Variants in ELOVL7 observed in about 807,000 individuals in gnomAD.
ELOVL7 encodes the protein very long chain fatty acid elongase 7.
A neutral mutation model predicts 35.7 loss-of-function variants in ELOVL7; 27 were observed. The ratio of observed to expected loss-of-function variants is 0.76; its 90% CI spans 0.56 to 1.04. The LOEUF is 1.04. ELOVL7 is among the 50% of genes least tolerant of loss of function. The pLI, the probability that ELOVL7 is intolerant of heterozygous loss-of-function variation, is 0.00. For synonymous variants in ELOVL7, 113 were observed against 114.6 expected (o/e 0.99, Z 0.09); for missense variants, 327 against 340.8 (o/e 0.96, Z 0.32).
intron 2 of ELOVL7, among the ~76,000 whole-genome samples, chr5:60,798,769 A>C (rs943106642): frequency 6.6e-6 from 1 of 152,234 alleles, no homozygotes; most frequent in Non-Finnish European, 1.5e-5. Context: ...AGGGGACTTT[A>C]ATGTCCTACT....
intron 1 of ELOVL7, among the ~76,000 whole-genome samples, chr5:60,834,551 C>T (rs1337865340): frequency 6.6e-6 from 1 of 151,998 alleles, no homozygotes; most frequent in Non-Finnish European, 1.5e-5. Context: ...ACCTGTAATC[C>T]CAGCTACTTG....
At chr5:60,799,988 G>C (rs1744495770) in intron 1 of ELOVL7, among the ~76,000 whole-genome samples, 1 of 130,346 alleles carries the variant, frequency 7.7e-6, no homozygotes, top group South Asian at 2.5e-4. Context: ...AGTGAGCTGA[G>C]ATCACGCTAT....
At chr5:60,802,848 A>G (rs1253457912) in intron 1 of ELOVL7, among the ~76,000 whole-genome samples, 1 of 152,236 alleles carries the variant, frequency 6.6e-6, no homozygotes, top group Non-Finnish European at 1.5e-5. Context: ...ATTTGCAAGT[A>G]ACAGAAAACT....
At chr5:60,800,721 C>T (rs1019742783) in intron 1 of ELOVL7, among the ~76,000 whole-genome samples, 3 of 152,152 alleles carry the variant, frequency 2.0e-5, no homozygotes, top group South Asian at 4.1e-4. Context: ...CATCTCACTG[C>T]GTGTTTGAAT....
chr5:60,841,459 C>T (rs1747168677), intron 1 of ELOVL7, among the ~76,000 whole-genome samples: 1 of 152,192 alleles, frequency 6.6e-6, no homozygotes, highest in Non-Finnish European at 1.5e-5. Flanking sequence ...CTCTTCTTGG[C>T]TCCCTGATCT....
chr5:60,803,462 A>T (rs1744388859), intron 1 of ELOVL7, among the ~76,000 whole-genome samples: 1 of 152,172 alleles, frequency 6.6e-6, no homozygotes, highest in Non-Finnish European at 1.5e-5. Context: ...ACTAATCTTG[A>T]TTTTCGTTTA....
intron 1 of ELOVL7, among the ~76,000 whole-genome samples, chr5:60,816,069 T>C (rs575383936): frequency 2.0e-5 from 3 of 152,242 alleles, no homozygotes; most frequent in African/African-American, 7.2e-5. Context: ...ATGGAGATAA[T>C]ATATGTCATT....
At chr5:60,765,907 A>G (rs1465121992) in intron 6 of ELOVL7, among the ~76,000 whole-genome samples, 2 of 152,226 alleles carry the variant, frequency 1.3e-5, no homozygotes, top group Non-Finnish European at 2.9e-5. Context: ...CAAAGATACA[A>G]CAAATATTCA....
Position 60,771,922 on chromosome 5 carries a change from G to T in ELOVL7, c.236C>A (p.Ser79Tyr), listed in dbSNP as rs368309905. Residue 79 changes from serine to tyrosine, a missense_variant, in exon 4 of 9, where the codon TCT (serine) becomes TAT (tyrosine). By Grantham distance (144) the Ser-to-Tyr change is moderately radical. Coordinates refer to ENST00000508821, the MANE Select transcript of ELOVL7 (RefSeq NM_024930.3). ...ACTTGCCTCATAACACATATACACA[G>T]AAAAGAGTACTATGAAAAAATTGTA... ...ITYNFFIVLF[S>Y]VYMCYEFVMS... 338 of 1,611,840 alleles carry T rather than the reference G, an allele frequency of 2.1e-4. No homozygotes were observed. The highest frequency in any genetic ancestry group is 3.4e-4 in the Middle Eastern group (2 of 5,904).
intron 1 of ELOVL7, among the ~76,000 whole-genome samples, chr5:60,837,298 G>A (rs1342952901): frequency 1.6e-5 from 2 of 124,798 alleles, no homozygotes; most frequent in African/African-American, 3.1e-5. Context: ...CCGGGCAGGC[G>A]TGGTAGGGCG....
At chr5:60,836,206 A>G (rs916247506) in intron 1 of ELOVL7, among the ~76,000 whole-genome samples, 1 of 152,042 alleles carries the variant, frequency 6.6e-6, no homozygotes, top group Non-Finnish European at 1.5e-5. Context: ...TATCACATCC[A>G]CTACCATTTT....
intron 1 of ELOVL7, among the ~76,000 whole-genome samples, chr5:60,807,164 G>T (rs1405837191): frequency 2.0e-5 from 3 of 148,100 alleles, no homozygotes; most frequent in African/African-American, 7.4e-5. Flanking sequence ...TCCTAATTTT[G>T]TTTTTTTTTT....
At chr5:60,779,398 C>T (rs1219791248) in intron 3 of ELOVL7, among the ~76,000 whole-genome samples, 1 of 152,212 alleles carries the variant, frequency 6.6e-6, no homozygotes, top group African/African-American at 2.4e-5. Context: ...CCAGGAGTTT[C>T]AATACATCCT....
intron 1 of ELOVL7, among the ~76,000 whole-genome samples, chr5:60,808,296 A>G (rs1421647320): frequency 6.6e-6 from 1 of 152,196 alleles, no homozygotes; most frequent in Non-Finnish European, 1.5e-5. Context: ...ACATATTCAA[A>G]TACATGACAA....
chr5:60,764,196 T>C, intron 7 of ELOVL7, 31 bp downstream of exon 7: 3 of 1,444,864 alleles, frequency 2.1e-6, no homozygotes, highest in Non-Finnish European at 1.9e-6. Flanking sequence ...ATGTTGTTTA[T>C]AACACATGAT....
At chr5:60,805,828 T>A (rs1430353563) in intron 1 of ELOVL7, among the ~76,000 whole-genome samples, 3 of 152,176 alleles carry the variant, frequency 2.0e-5, no homozygotes, top group Admixed American at 2.0e-4. Context: ...TTTCTACTCA[T>A]GAAGAGGAAA....
chr5:60,813,910 G>C (rs1167086604), intron 1 of ELOVL7, among the ~76,000 whole-genome samples: 2 of 152,030 alleles, frequency 1.3e-5, no homozygotes, highest in African/African-American at 4.8e-5. Flanking sequence ...AAAATACGAA[G>C]GTCTCCCTTG....
chr5:60,759,589 A>C (rs1267297111), intron 7 of ELOVL7, among the ~76,000 whole-genome samples: 1 of 149,614 alleles, frequency 6.7e-6, no homozygotes, highest in African/African-American at 2.5e-5. Context: ...CTGTTATTTA[A>C]TAGAGGCGTG....
At chr5:60,834,049 T>G (rs556680390) in intron 1 of ELOVL7, among the ~76,000 whole-genome samples, 7 of 152,242 alleles carry the variant, frequency 4.6e-5, no homozygotes, top group Admixed American at 6.5e-5. Flanking sequence ...TCAAGTTTAA[T>G]AAACTCTAGC....
Sources: gnomAD v4.1 joint callset for allele counts (sites outside exome capture counted in the v4.1 genomes callset) on GRCh38, gnomAD v4.1.1 for gene constraint, MANE v1.5 for transcripts, NCBI Gene and HGNC (gene_info 2026-07-23, HGNC 2026-07-21) for gene names.